The following DAPK1 variants were observed in gnomAD, a reference collection of about 807,000 sequenced individuals.
DAPK1 encodes death-associated protein kinase 1.
A neutral mutation model predicts 144.9 loss-of-function variants in DAPK1; 56 were observed. The ratio of observed to expected loss-of-function variants is 0.39; its 90% CI spans 0.31 to 0.48. The LOEUF is 0.48. Among genes scored for constraint, DAPK1 ranks in the 20% least tolerant of loss-of-function variants. The pLI, the probability that DAPK1 is intolerant of heterozygous loss-of-function variation, is 0.95. For synonymous variants in DAPK1, 690 were observed against 749.0 expected (o/e 0.92, Z 1.29); for missense variants, 1,454 against 1,875.4 (o/e 0.78, Z 4.15).
At chr9:87,575,221 TA>T (rs1827499339) in intron 2 of DAPK1, among the ~76,000 whole-genome samples, 3 of 34,314 alleles carry the variant, frequency 8.7e-5, no homozygotes, top group Non-Finnish European at 1.5e-4. Context: ...CTCAATAAAA[TA>T]AAATAAAATA....
Position 87,708,169 on chromosome 9 carries a change from T to A in DAPK1, c.*805T>A. ...TTTTGTTCCAATGTCAATGTGAACGTCCACATGAAACCTACACACTGTCAT... is the reference window on the plus strand; with the variant it reads ...TTTTGTTCCAATGTCAATGTGAACGACCACATGAAACCTACACACTGTCAT... On this transcript the variant is annotated 3_prime_UTR_variant, in exon 26 of 26. Coordinates refer to ENST00000408954, the MANE Select transcript of DAPK1 (RefSeq NM_004938.4). 2 of 252,492 alleles carry A rather than the reference T, an allele frequency of 7.9e-6. No individual in the cohort carries two copies. Among genetic ancestry groups the A allele is most frequent in the South Asian group, 4.8e-5 (1 of 20,850 alleles). The allele number at this position is 252,492 out of a possible 1,614,324, so 15.6% of individuals were successfully genotyped here. A position where few individuals can be genotyped will look rare whatever the true frequency, so the allele number is the denominator to read the frequency against.
rs755415687 is a variant in DAPK1, at chr9:87,613,914, T to C, written c.284+8739T>C. Among the ~76,000 whole-genome samples the C allele has an allele frequency of 4.8e-4, 73 of 152,212 alleles. 1 individual carries two copies. Among genetic ancestry groups the C allele is most frequent in the Admixed American group, 3.5e-3 (53 of 15,286 alleles). On this transcript the variant is annotated intron_variant, in intron 3 of 25. Transcript: ENST00000408954. The stretch of plus-strand genomic sequence containing the variant: ...CTTTTGACTTTTTGAACTTTTGTCT[T>C]TATTCACAAAGGTAATTTCAAGAGC...
chr9:87,582,110 C>T (rs1046017293), intron 2 of DAPK1, among the ~76,000 whole-genome samples: 2 of 151,888 alleles, frequency 1.3e-5, no homozygotes, highest in Non-Finnish European at 2.9e-5. Context: ...TGGCCCCGTA[C>T]CAGGTGGAGC....
At chr9:87,572,140 A>G (rs531636653) in intron 2 of DAPK1, among the ~76,000 whole-genome samples, 1 of 152,274 alleles carries the variant, frequency 6.6e-6, no homozygotes. Flanking sequence ...ACTGATGAAT[A>G]TAGCAGCTAA....
chr9:87,580,870 G>C (rs1196568230), intron 2 of DAPK1, among the ~76,000 whole-genome samples: 1 of 152,178 alleles, frequency 6.6e-6, no homozygotes, highest in Non-Finnish European at 1.5e-5. Flanking sequence ...GTATGGGTCT[G>C]TCAGCATGTG....
intron 9 of DAPK1, 38 bp from the exon 10 acceptor site, chr9:87,641,931 T>A (rs1216152423): frequency 6.5e-7 from 1 of 1,540,468 alleles, no homozygotes; most frequent in African/African-American, 1.4e-5. Context: ...TTTCATAATT[T>A]GAGAGCTTTA....
intron 4 of DAPK1, among the ~76,000 whole-genome samples, chr9:87,638,944 A>G (rs2119127383): frequency 6.6e-6 from 1 of 152,328 alleles, no homozygotes; most frequent in South Asian, 2.1e-4. Context: ...TGTCCACAGA[A>G]GCAACTGTCA....
At chr9:87,604,171 A>C (rs36207162) in intron 2 of DAPK1, among the ~76,000 whole-genome samples, 1 of 151,214 alleles carries the variant, frequency 6.6e-6, no homozygotes, top group African/African-American at 2.4e-5. Context: ...AGCGGCTTTG[A>C]GGGGGGGGTT....
intron 2 of DAPK1, among the ~76,000 whole-genome samples, chr9:87,577,740 G>T (rs1453921619): frequency 6.6e-6 from 1 of 152,202 alleles, no homozygotes; most frequent in Non-Finnish European, 1.5e-5. Context: ...GGAGGTTGCA[G>T]TGAGCTGAGA....
chr9:87,687,005 A>G (rs1483753251), intron 21 of DAPK1: 1 of 182,524 alleles, frequency 5.5e-6, no homozygotes, highest in Non-Finnish European at 1.0e-5. Context: ...GTAAATTAAT[A>G]ATATTTGTAC....
rs527526860 is a variant in DAPK1, at chr9:87,592,361, T to C, written c.63-12593T>C. ...CCCCCTTCCCTGCCAGGGGATTATG[T>C]TTCCATCCACAGAGCTTCTAAAGCC... On this transcript the variant is annotated intron_variant, in intron 2 of 25. Transcript: ENST00000408954. 3.0e-4 allele frequency among the ~76,000 whole-genome samples: 45 copies of C among 152,316 alleles called. No individual in the cohort carries two copies. In the East Asian group the frequency reaches 7.3e-3, roughly 25 times the overall value.
intron 2 of DAPK1, among the ~76,000 whole-genome samples, chr9:87,523,427 G>T (rs567396801): frequency 6.6e-6 from 1 of 152,164 alleles, no homozygotes; most frequent in South Asian, 2.1e-4. Context: ...CTCCTGAGTA[G>T]CTGGGACCAT....
chr9:87,633,461 G>T, intron 3 of DAPK1: 6 of 886,054 alleles, frequency 6.8e-6, no homozygotes, highest in Non-Finnish European at 8.1e-6. Context: ...CTAACTGAAG[G>T]ACTTGGTTGC....
rs992750200 is a variant in DAPK1 at position 87,643,313 on chromosome 9, T to C, written c.919-63T>C. On this transcript the variant is annotated intron_variant, in intron 10 of 25. Coordinates refer to ENST00000408954, the MANE Select transcript of DAPK1 (RefSeq NM_004938.4). ...CAATTGTTACATAAGCTGTCTCTCC[T>C]CCTCTCACCCTGCCTTTTTCCTCCC... 1.9e-5 allele frequency: 18 copies of C among 963,842 alleles called. No individual in the cohort carries two copies. In the Middle Eastern group the frequency reaches 7.1e-4, roughly 38 times the overall value. 59.7% of individuals were successfully genotyped at this position (963,842 alleles called of 1,614,324 possible). A position where few individuals can be genotyped will look rare whatever the true frequency, so the allele number is the denominator to read the frequency against.
intron 19 of DAPK1, among the ~76,000 whole-genome samples, chr9:87,675,230 G>T (rs886703909): frequency 1.3e-5 from 2 of 152,100 alleles, no homozygotes; most frequent in African/African-American, 4.8e-5. Context: ...CCTGGGGTAG[G>T]TGCCATGCAG....
At chr9:87,606,900 C>T (rs1828750657) in intron 3 of DAPK1, among the ~76,000 whole-genome samples, 1 of 150,904 alleles carries the variant, frequency 6.6e-6, no homozygotes, top group Non-Finnish European at 1.5e-5. Flanking sequence ...ACTCTTCCTT[C>T]AGGCTGTCCT....
intron 2 of DAPK1, among the ~76,000 whole-genome samples, chr9:87,587,233 T>C (rs1452723443): frequency 1.3e-5 from 2 of 152,234 alleles, no homozygotes; most frequent in African/African-American, 4.8e-5. Context: ...GCCAGCAGCA[T>C]TTTACATCGA....
intron 3 of DAPK1, chr9:87,632,407 T>C (rs914832203): frequency 1.5e-5 from 15 of 982,506 alleles, no homozygotes; most frequent in Non-Finnish European, 1.8e-5. Flanking sequence ...TGGGTATACA[T>C]GTAGGGATGA....
Position 87,551,653 on chromosome 9 carries a change from A to T in DAPK1, c.62+52514A>T, listed in dbSNP as rs79470963. 2.4e-3 allele frequency among the ~76,000 whole-genome samples: 369 copies of T among 152,264 alleles called. 1 individual carries two copies. The highest frequency in any genetic ancestry group is 8.3e-3 in the African/African-American group (346 of 41,570). On this transcript the variant is annotated intron_variant, in intron 2 of 25. Coordinates refer to ENST00000408954, the MANE Select transcript of DAPK1 (RefSeq NM_004938.4). ...GAGAGAAGGGATCCAGGGACCCATT[A>T]TGGGCCCATGGTGGGAGTTGGGGTC...
Sources: gnomAD v4.1 joint callset for allele counts (sites outside exome capture counted in the v4.1 genomes callset) on GRCh38, gnomAD v4.1.1 for gene constraint, MANE v1.5 for transcripts, NCBI Gene and HGNC (gene_info 2026-07-23, HGNC 2026-07-21) for gene names.